BRINP3: variants seen among roughly 807,000 people sequenced by gnomAD.
BRINP3 encodes the protein BMP/retinoic acid inducible neural specific 3, also known as BMP/retinoic acid-inducible neural-specific protein 3.
BRINP3 carries 19 observed loss-of-function variants against 71.0 expected under a neutral mutation model. That is an observed-to-expected ratio of 0.27 (90% CI 0.19 to 0.39). BRINP3 has a LOEUF of 0.39. Ranked by LOEUF, BRINP3 falls within the 10% of genes least tolerant of loss-of-function variation. BRINP3 has a pLI of 1.00. For missense variants in BRINP3, 959 were observed against 940.8 expected (o/e 1.02, Z -0.25); for synonymous variants, 380 against 337.7 (o/e 1.13, Z -1.37).
chr1:190,238,248 G>T (rs924279576), intron 4 of BRINP3, among the ~76,000 whole-genome samples: 5 of 151,670 alleles, frequency 3.3e-5, no homozygotes, highest in African/African-American at 9.7e-5. Context: ...AACTATATTT[G>T]GCTCGTATTC....
At chr1:190,185,448 CA>C (rs1653429279) in intron 6 of BRINP3, among the ~76,000 whole-genome samples, 1 of 151,704 alleles carries the variant, frequency 6.6e-6, no homozygotes, top group Non-Finnish European at 1.5e-5. Context: ...GAAAACAGAC[CA>C]AAAAACAAAG....
intron 2 of BRINP3, among the ~76,000 whole-genome samples, chr1:190,395,473 A>G (rs1232911221): frequency 1.3e-5 from 2 of 151,802 alleles, no homozygotes; most frequent in Non-Finnish European, 2.9e-5. Flanking sequence ...ATGTATTTCA[A>G]TGAAACAAAC....
intron 6 of BRINP3, among the ~76,000 whole-genome samples, chr1:190,221,186 C>T (rs1486499653): frequency 6.6e-6 from 1 of 152,078 alleles, no homozygotes; most frequent in African/African-American, 2.4e-5. Context: ...CCACTACACT[C>T]CAGCCTAGGC....
At chr1:190,468,445 G>C (rs1035736378) in intron 1 of BRINP3, among the ~76,000 whole-genome samples, 1 of 151,140 alleles carries the variant, frequency 6.6e-6, no homozygotes, top group Non-Finnish European at 1.5e-5. Context: ...ATTGTAATTT[G>C]TTGTTTCGTC....
intron 2 of BRINP3, among the ~76,000 whole-genome samples, chr1:190,406,413 C>T (rs535549672): frequency 1.3e-5 from 2 of 152,250 alleles, no homozygotes; most frequent in South Asian, 2.1e-4. Context: ...ATTTCTAGAG[C>T]CTATATTTTC....
At chr1:190,232,779 A>G (rs941642600) in intron 5 of BRINP3, among the ~76,000 whole-genome samples, 1 of 152,158 alleles carries the variant, frequency 6.6e-6, no homozygotes, top group East Asian at 1.9e-4. Flanking sequence ...AATAATTTTT[A>G]TAATAAACTG....
chr1:190,431,925 A>T (rs1298795853), intron 2 of BRINP3, among the ~76,000 whole-genome samples: 1 of 152,184 alleles, frequency 6.6e-6, no homozygotes, highest in Non-Finnish European at 1.5e-5. Flanking sequence ...ATAATTCATA[A>T]GAAAAAATTG....
chr1:190,308,459 A>C (rs944189805), intron 2 of BRINP3, among the ~76,000 whole-genome samples: 1 of 149,820 alleles, frequency 6.7e-6, no homozygotes, highest in African/African-American at 2.4e-5. Context: ...ACATGGACAC[A>C]GGAAGGGGAA....
chr1:190,386,784 GA>G (rs1167327635), intron 2 of BRINP3, among the ~76,000 whole-genome samples: 4 of 151,920 alleles, frequency 2.6e-5, no homozygotes, highest in Admixed American at 2.0e-4. Context: ...ATTACATTAA[GA>G]ATTAAATGAC....
intron 2 of BRINP3, among the ~76,000 whole-genome samples, chr1:190,404,508 G>C (rs1289441050): frequency 6.6e-6 from 1 of 152,138 alleles, no homozygotes; most frequent in Non-Finnish European, 1.5e-5. Flanking sequence ...TCCTAAAAGT[G>C]TTTTAATATT....
intron 1 of BRINP3, among the ~76,000 whole-genome samples, chr1:190,469,147 T>A (rs1304067043): frequency 1.3e-5 from 2 of 150,994 alleles, no homozygotes; most frequent in African/African-American, 2.4e-5. Flanking sequence ...TAGGAAAAAA[T>A]TACACTTTCT....
chr1:190,464,432 T>A (rs1214333329), intron 1 of BRINP3, among the ~76,000 whole-genome samples: 2 of 152,062 alleles, frequency 1.3e-5, no homozygotes, highest in East Asian at 3.9e-4. Context: ...TATGCTGTTG[T>A]TATTCTTTTT....
Position 190,379,728 on chromosome 1 carries a change from G to A in BRINP3, c.236+74927C>T, listed in dbSNP as rs1406395258. ...TAATAAGAGATTTAGGGCTGGGCGC[G>A]GTGGTTCATGCCTGTAATCCCAGCA... On this transcript the variant is annotated intron_variant, in intron 2 of 7. Transcript: ENST00000367462. 1.2e-4 allele frequency among the ~76,000 whole-genome samples: 18 copies of A among 152,078 alleles called. No homozygotes were observed. The East Asian group carries it at 1.5e-3, about 13-fold the overall frequency.
At chr1:190,387,926 T>G (rs1352757293) in intron 2 of BRINP3, among the ~76,000 whole-genome samples, 3 of 151,836 alleles carry the variant, frequency 2.0e-5, no homozygotes, top group Non-Finnish European at 4.4e-5. Context: ...TTAAAATTAA[T>G]AAATCCAAAA....
chr1:190,126,327 T>G (rs1234693733), intron 7 of BRINP3, among the ~76,000 whole-genome samples: 1 of 151,964 alleles, frequency 6.6e-6, no homozygotes, highest in Non-Finnish European at 1.5e-5. Flanking sequence ...ACTTCCCATA[T>G]GTTCACCTTG....
At chr1:190,470,321 T>C (rs1225184214) in intron 1 of BRINP3, among the ~76,000 whole-genome samples, 1 of 151,080 alleles carries the variant, frequency 6.6e-6, no homozygotes, top group East Asian at 1.9e-4. Flanking sequence ...TATGAGAGAA[T>C]AATTCTTACA....
rs1328892741 is a variant in BRINP3 at position 190,453,246 on chromosome 1, A to C, written c.236+1409T>G. The stretch of plus-strand genomic sequence containing the variant: ...TTTTTTTTTTTTTTTTTTGAGACGG[A>C]GGCTCGCTCTGTCGCCCAGGCTGGA... On this transcript the variant is annotated intron_variant, in intron 2 of 7. Transcript: ENST00000367462. Among the ~76,000 whole-genome samples the C allele has an allele frequency of 1.3e-4, 5 of 37,086 alleles. No homozygotes were observed. In the East Asian group the frequency reaches 5.0e-3, roughly 37 times the overall value. The allele number at this position is 37,086 out of a possible 152,430, so 24.3% of individuals were successfully genotyped here.
At chr1:190,468,975 T>C (rs1044064107) in intron 1 of BRINP3, among the ~76,000 whole-genome samples, 51 of 151,106 alleles carry the variant, frequency 3.4e-4, no homozygotes, top group East Asian at 1.9e-4. Context: ...TAATGCTGTC[T>C]TTGAGTTACT....
At chr1:190,396,712 T>TGATA (rs1671591692) in intron 2 of BRINP3, among the ~76,000 whole-genome samples, 1 of 38,314 alleles carries the variant, frequency 2.6e-5, no homozygotes, top group African/African-American at 9.7e-5. Context: ...CCTAATTTAA[T>TGATA]GATATATATA....
Sources: allele counts gnomAD v4.1 joint callset (sites outside exome capture counted in the v4.1 genomes callset), GRCh38; gene constraint gnomAD v4.1.1; transcripts MANE v1.5; gene names NCBI Gene and HGNC (gene_info 2026-07-23, HGNC 2026-07-21).